Variants in ZNF420 observed in about 807,000 individuals in gnomAD.
ZNF420 encodes the protein ATM and p53-associated KZNF protein.
In ZNF420, 31 loss-of-function variants were observed where a neutral mutation model predicts 44.7. The observed-to-expected ratio is 0.69, with a 90% CI of 0.52 to 0.94. The LOEUF is 0.94. Among genes scored for constraint, ZNF420 ranks in the 40% least tolerant of loss-of-function variants. The probability of loss-of-function intolerance (pLI) is 0.00; values close to 1 mark genes in which losing one functional copy is unlikely to be tolerated. For synonymous variants in ZNF420, 245 were observed against 267.4 expected, an observed-to-expected ratio of 0.92 and a Z score of 0.82; for missense variants, 681 against 827.9, an observed-to-expected ratio of 0.82 and a Z score of 2.18.
chr19:37,041,028 T>TA (rs1056687024), intron 1 of ZNF420, among the ~76,000 whole-genome samples: 11 of 150,842 alleles, frequency 7.3e-5, no homozygotes, highest in African/African-American at 1.2e-4. Context: ...TTCTGCACAT[T>TA]AAAAAAAAAT....
rs34839210 is a variant in ZNF420, at chr19:37,129,747, TAAA to T, written c.*700_*702del. 159 of 167,228 alleles carry T rather than the reference TAAA, an allele frequency of 9.5e-4. No individual in the cohort carries two copies. The highest frequency in any genetic ancestry group is 2.7e-3 in the African/African-American group (107 of 39,870). The allele number at this position is 167,228 out of a possible 1,614,324, so 10.4% of individuals were successfully genotyped here. A position where few individuals can be genotyped will look rare whatever the true frequency, so the allele number is the denominator to read the frequency against. ...CCAGTGGATATAATCAGTGTATTAT[TAAA>T]AAAAAAAAAACCCAGTGGATGTAAT... is the stretch of plus-strand genomic sequence containing the variant. On this transcript the variant is annotated 3_prime_UTR_variant, in exon 5 of 5. Coordinates refer to ENST00000337995, the MANE Select transcript of ZNF420 (RefSeq NM_144689.5).
At chr19:37,055,922 G>A (rs986483984) in intron 1 of ZNF420, among the ~76,000 whole-genome samples, 4 of 152,132 alleles carry the variant, frequency 2.6e-5, no homozygotes, top group African/African-American at 4.8e-5. Flanking sequence ...TCGAGGAAGC[G>A]TCTGCCTGTG....
At chr19:37,013,919 T>G (rs1345674725) in intron 1 of ZNF420, among the ~76,000 whole-genome samples, 1 of 152,106 alleles carries the variant, frequency 6.6e-6, no homozygotes, top group Non-Finnish European at 1.5e-5. Flanking sequence ...GTAGTGAGCG[T>G]GTATCTCCAA....
At chr19:37,052,572 C>A (rs557889549) in intron 1 of ZNF420, among the ~76,000 whole-genome samples, 1 of 152,270 alleles carries the variant, frequency 6.6e-6, no homozygotes, top group African/African-American at 2.4e-5. Flanking sequence ...GACAAAATCT[C>A]TCAGCATTTG....
intron 1 of ZNF420, among the ~76,000 whole-genome samples, chr19:37,036,721 A>G (rs1331273469): frequency 6.6e-6 from 1 of 152,214 alleles, no homozygotes; most frequent in African/African-American, 2.4e-5. Context: ...CCATGAAGCC[A>G]TCCAAGCATA....
intron 4 of ZNF420, chr19:37,106,889 C>G (rs1478781881): frequency 6.6e-6 from 1 of 151,934 alleles, no homozygotes; most frequent in Non-Finnish European, 1.5e-5. Context: ...AACATGTAAA[C>G]AAAAGTCTCT....
chr19:37,114,988 T>TCC (rs1490977991), intron 4 of ZNF420: 2 of 155,700 alleles, frequency 1.3e-5, no homozygotes, highest in African/African-American at 4.8e-5. Flanking sequence ...AGACTCTGAC[T>TCC]CCCCCTCTTT....
intron 1 of ZNF420, among the ~76,000 whole-genome samples, chr19:37,044,105 G>A (rs1178932774): frequency 6.6e-6 from 1 of 152,200 alleles, no homozygotes; most frequent in Non-Finnish European, 1.5e-5. Context: ...TTAAGCTTCA[G>A]AAAATAAGGT....
chr19:37,067,921 T>C (rs1174705135), intron 1 of ZNF420, among the ~76,000 whole-genome samples: 2 of 152,198 alleles, frequency 1.3e-5, no homozygotes, highest in African/African-American at 4.8e-5. Flanking sequence ...CCAATGACAT[T>C]GGCATACTTC....
intron 1 of ZNF420, among the ~76,000 whole-genome samples, chr19:37,010,953 C>T (rs968519388): frequency 1.3e-5 from 2 of 152,148 alleles, no homozygotes; most frequent in African/African-American, 4.8e-5. Context: ...AGCCACACCA[C>T]GACACAATCT....
chr19:37,045,576 T>C (rs1967528664), intron 1 of ZNF420, among the ~76,000 whole-genome samples: 1 of 152,236 alleles, frequency 6.6e-6, no homozygotes, highest in African/African-American at 2.4e-5. Flanking sequence ...TATAGAAGGA[T>C]TGTTTTAGAT....
intron 1 of ZNF420, among the ~76,000 whole-genome samples, chr19:37,039,701 CTTTTTTT>C (rs3051691): frequency 7.0e-6 from 1 of 143,808 alleles, no homozygotes; most frequent in African/African-American, 2.6e-5. Context: ...ATGTTTCTTT[CTTTTTTT>C]TTTTTTTTGT....
chr19:37,102,622 C>A (rs138646759), intron 4 of ZNF420, among the ~76,000 whole-genome samples: 54 of 152,328 alleles, frequency 3.5e-4, no homozygotes, highest in African/African-American at 1.3e-3. Context: ...TGCCAGTCTG[C>A]ACTCTCAAAA....
At chr19:37,100,691 C>T (rs949390228) in intron 4 of ZNF420, among the ~76,000 whole-genome samples, 11 of 149,146 alleles carry the variant, frequency 7.4e-5, no homozygotes, top group East Asian at 2.0e-4. Context: ...CCAGCCTGGG[C>T]GACAAGAGCA....
At chr19:37,079,674 G>A (rs1186133942) in intron 1 of ZNF420, among the ~76,000 whole-genome samples, 1 of 152,152 alleles carries the variant, frequency 6.6e-6, no homozygotes. Context: ...TTATTTGCAA[G>A]TTACAGACCT....
chr19:37,035,139 T>TAATG (rs1392759439), intron 1 of ZNF420, among the ~76,000 whole-genome samples: 2 of 152,176 alleles, frequency 1.3e-5, no homozygotes, highest in Non-Finnish European at 2.9e-5. Context: ...ATTAGCTGTG[T>TAATG]AATGAGTGGC....
At chr19:37,091,285 A>G in intron 4 of ZNF420, 164 bp downstream of exon 4, 1 of 609,938 alleles carries the variant, frequency 1.6e-6, no homozygotes, top group South Asian at 2.9e-5. Context: ...GGGCACCTTT[A>G]TCTTTTCCAT....
At chr19:37,026,794 G>A (rs547197648) in intron 1 of ZNF420, among the ~76,000 whole-genome samples, 4 of 152,150 alleles carry the variant, frequency 2.6e-5, no homozygotes, top group East Asian at 1.9e-4. Context: ...AAGTGAATTT[G>A]GAGGAAATAT....
chr19:37,096,924 A>T (rs1969486841), intron 4 of ZNF420, among the ~76,000 whole-genome samples: 1 of 148,572 alleles, frequency 6.7e-6, no homozygotes, highest in Non-Finnish European at 1.5e-5. Context: ...TTTGAGACAG[A>T]GTCTCGCTGT....
Sources: gnomAD v4.1 joint callset for allele counts (sites outside exome capture counted in the v4.1 genomes callset) on GRCh38, gnomAD v4.1.1 for gene constraint, MANE v1.5 for transcripts, NCBI Gene and HGNC (gene_info 2026-07-23, HGNC 2026-07-21) for gene names.